The following RBM47 variants were observed in gnomAD, a reference collection of about 807,000 sequenced individuals.
RBM47 encodes RNA binding motif protein 47.
RBM47 carries 21 observed loss-of-function variants against 47.1 expected under a neutral mutation model. The observed-to-expected ratio is 0.45, with a 90% CI of 0.32 to 0.64. The LOEUF (loss-of-function observed/expected upper bound fraction) is 0.64. Ranked by LOEUF, RBM47 falls within the 30% of genes least tolerant of loss-of-function variation. The probability of loss-of-function intolerance (pLI) is 0.05; values close to 1 mark genes in which losing one functional copy is unlikely to be tolerated. For missense variants in RBM47, 708 were observed against 870.9 expected, an observed-to-expected ratio of 0.81 and a Z score of 2.35; for synonymous variants, 375 against 361.7, an observed-to-expected ratio of 1.04 and a Z score of -0.42.
intron 2 of RBM47, among the ~76,000 whole-genome samples, chr4:40,476,771 A>T (rs1271839546): frequency 1.3e-5 from 2 of 152,170 alleles, no homozygotes; most frequent in Non-Finnish European, 2.9e-5. Flanking sequence ...CTGCATCAGG[A>T]TTAAAGTGAG....
At chr4:40,506,477 C>T (rs188064866) in intron 2 of RBM47, among the ~76,000 whole-genome samples, 4 of 152,158 alleles carry the variant, frequency 2.6e-5, no homozygotes, top group African/African-American at 4.8e-5. Context: ...AATAAACACC[C>T]ATGGTTGGAA....
chr4:40,454,372 C>A (rs1715908606), intron 3 of RBM47, among the ~76,000 whole-genome samples: 1 of 152,190 alleles, frequency 6.6e-6, no homozygotes, highest in Non-Finnish European at 1.5e-5. Flanking sequence ...ATCGCTATCT[C>A]AAAGCATCAC....
At chr4:40,558,524 CAAAAA>C (rs1198741417) in intron 1 of RBM47, among the ~76,000 whole-genome samples, 2 of 92,646 alleles carry the variant, frequency 2.2e-5, no homozygotes, top group African/African-American at 6.9e-5. Flanking sequence ...ATTAAAACTA[CAAAAA>C]AAAAAAAAAA....
intron 1 of RBM47, among the ~76,000 whole-genome samples, chr4:40,617,262 A>G (rs1736838002): frequency 6.6e-6 from 1 of 152,106 alleles, no homozygotes; most frequent in Non-Finnish European, 1.5e-5. Flanking sequence ...ACTATTAAAT[A>G]TATATGGCAT....
chr4:40,432,864 T>C lies in RBM47; in HGVS notation c.1331-2A>G. On this transcript the variant is annotated splice_acceptor_variant, in intron 5 of 6. Transcript: ENST00000295971. LOFTEE classifies it high-confidence loss of function. ...GAGCCCCAATGGCAGGGATGGCTAC[T>C]GCAAGAGAAGCAAGAAGGAAAAACA... 6.2e-7 allele frequency: 1 copy of C among 1,613,530 alleles called. No individual in the cohort carries two copies. The highest frequency in any genetic ancestry group is 8.5e-7 in the Non-Finnish European group (1 of 1,179,862).
At chr4:40,574,680 T>C (rs930584217) in intron 1 of RBM47, among the ~76,000 whole-genome samples, 1 of 152,086 alleles carries the variant, frequency 6.6e-6, no homozygotes, top group East Asian at 1.9e-4. Context: ...TGAAATCCCA[T>C]CTCTACTAAA....
chr4:40,499,795 T>C (rs184670569), intron 2 of RBM47, among the ~76,000 whole-genome samples: 5 of 152,352 alleles, frequency 3.3e-5, no homozygotes, highest in African/African-American at 1.2e-4. Context: ...TTAGAACCAT[T>C]GGGTTAATCA....
At chr4:40,436,048 TG>T (rs1202791298) in intron 5 of RBM47, among the ~76,000 whole-genome samples, 4 of 149,092 alleles carry the variant, frequency 2.7e-5, no homozygotes, top group Non-Finnish European at 5.9e-5. Context: ...GGTGGGCACC[TG>T]TAGTCCCAGC....
At chr4:40,614,735 A>T (rs1410060851) in intron 1 of RBM47, among the ~76,000 whole-genome samples, 1 of 152,076 alleles carries the variant, frequency 6.6e-6, no homozygotes, top group East Asian at 1.9e-4. Flanking sequence ...GGAGGCTAAG[A>T]TGGAAAGATC....
intron 2 of RBM47, among the ~76,000 whole-genome samples, chr4:40,504,516 C>T (rs1723828704): frequency 6.6e-6 from 1 of 152,108 alleles, no homozygotes; most frequent in African/African-American, 2.4e-5. Context: ...TGATCTCGAA[C>T]TCCTGACCTC....
At chr4:40,578,935 T>C (rs1732595620) in intron 1 of RBM47, among the ~76,000 whole-genome samples, 1 of 150,834 alleles carries the variant, frequency 6.6e-6, no homozygotes, top group Admixed American at 6.6e-5. Flanking sequence ...CTGGGCAATA[T>C]GGTGAAACCC....
intron 1 of RBM47, among the ~76,000 whole-genome samples, chr4:40,582,144 T>C (rs768607627): frequency 4.7e-4 from 72 of 152,162 alleles, no homozygotes; most frequent in Non-Finnish European, 7.9e-4. Flanking sequence ...CTGCAGCCTA[T>C]GTCTTAGTTC....
rs533496056 is a variant in RBM47, at chr4:40,562,756, G to A, written c.-239-18250C>T. 3.3e-5 allele frequency among the ~76,000 whole-genome samples: 5 copies of A among 152,184 alleles called. No homozygotes were observed. The East Asian group carries it at 5.8e-4, about 18-fold the overall frequency. On this transcript the variant is annotated intron_variant, in intron 1 of 6. Transcript: ENST00000295971. ...ATTAGGATTACAGGCGTGAGCCACCGTGCCCAGCCGAAATATTTCCTTTCT... is the reference window on the plus strand; with the variant it reads ...ATTAGGATTACAGGCGTGAGCCACCATGCCCAGCCGAAATATTTCCTTTCT...
chr4:40,513,861 G>A (rs1169913742), intron 2 of RBM47, among the ~76,000 whole-genome samples: 3 of 151,918 alleles, frequency 2.0e-5, no homozygotes, highest in African/African-American at 7.3e-5. Flanking sequence ...TGGGACTACC[G>A]GCGCACACCA....
intron 1 of RBM47, among the ~76,000 whole-genome samples, chr4:40,558,826 T>TTA (rs1446724896): frequency 7.7e-6 from 1 of 129,808 alleles, no homozygotes; most frequent in African/African-American, 2.9e-5. Context: ...AAACTCTGTC[T>TTA]AAAAAAAAAA....
chr4:40,553,194 G>C (rs1420054546), intron 1 of RBM47, among the ~76,000 whole-genome samples: 1 of 150,864 alleles, frequency 6.6e-6, no homozygotes, highest in African/African-American at 2.4e-5. Flanking sequence ...TCTTTTAAAA[G>C]AGTTCTCCAA....
rs556965545 is a variant in RBM47, at chr4:40,444,922, G to T, written c.-31-5998C>A. ...TCAAGTGATCTGTCTGCCTCCTAAA[G>T]TGCTGGGATTACAGGTGTGAGCCAC... On this transcript the variant is annotated intron_variant, in intron 3 of 6. Transcript: ENST00000295971. Among the ~76,000 whole-genome samples, 9 of 151,558 alleles carry T rather than the reference G, an allele frequency of 5.9e-5. No homozygotes were observed. The East Asian group carries it at 1.8e-3, about 31-fold the overall frequency.
intron 2 of RBM47, among the ~76,000 whole-genome samples, chr4:40,487,301 T>G (rs888715076): frequency 6.6e-6 from 1 of 152,162 alleles, no homozygotes; most frequent in East Asian, 1.9e-4. Context: ...ATTTCTTTTC[T>G]TTTCTTTTTT....
intron 2 of RBM47, among the ~76,000 whole-genome samples, chr4:40,519,011 T>C (rs554160055): frequency 6.6e-6 from 1 of 151,168 alleles, no homozygotes; most frequent in Non-Finnish European, 1.5e-5. Context: ...CTAGGCAACA[T>C]AGTGAGACCC....
Sources: gnomAD v4.1 joint callset for allele counts (sites outside exome capture counted in the v4.1 genomes callset) on GRCh38, gnomAD v4.1.1 for gene constraint, MANE v1.5 for transcripts, NCBI Gene and HGNC (gene_info 2026-07-23, HGNC 2026-07-21) for gene names.